Variants in ADGRB3 observed in about 807,000 individuals in gnomAD.
ADGRB3 encodes the protein adhesion G protein-coupled receptor B3.
In ADGRB3, 37 loss-of-function variants were observed where a neutral mutation model predicts 193.4. That is an observed-to-expected ratio of 0.19 (90% CI 0.15 to 0.25). The LOEUF is 0.25. Among genes scored for constraint, ADGRB3 ranks in the 10% least tolerant of loss-of-function variants. The probability of loss-of-function intolerance (pLI) is 1.00; values close to 1 mark genes in which losing one functional copy is unlikely to be tolerated. For synonymous variants in ADGRB3, 690 were observed against 644.2 expected, an observed-to-expected ratio of 1.07 and a Z score of -1.08; for missense variants, 1,637 against 1,852.9, an observed-to-expected ratio of 0.88 and a Z score of 2.14.
intron 5 of ADGRB3, among the ~76,000 whole-genome samples, chr6:68,943,263 G>A (rs561022460): frequency 4.6e-5 from 7 of 152,036 alleles, no homozygotes; most frequent in Non-Finnish European, 5.9e-5. Context: ...TTCAAAATAT[G>A]GTAACTTTAA....
chr6:69,382,792 T>G, intron 30 of ADGRB3, 39 bp from the exon 31 acceptor site: 1 of 1,401,490 alleles, frequency 7.1e-7, no homozygotes, highest in Non-Finnish European at 9.9e-7. Context: ...AAAACATACA[T>G]CAAGTTGGGG....
intron 13 of ADGRB3, among the ~76,000 whole-genome samples, chr6:69,031,333 C>T (rs1249388777): frequency 2.0e-5 from 3 of 150,178 alleles, no homozygotes; most frequent in Non-Finnish European, 3.0e-5. Context: ...CCCAGCTACT[C>T]GGGAGGCTGA....
chr6:69,043,764 C>T (rs1351386286), intron 13 of ADGRB3, among the ~76,000 whole-genome samples: 1 of 152,172 alleles, frequency 6.6e-6, no homozygotes, highest in Non-Finnish European at 1.5e-5. Context: ...GACATTGAGA[C>T]ACAGAGAGTT....
At chr6:68,938,199 A>T (rs1451847773) in intron 5 of ADGRB3, among the ~76,000 whole-genome samples, 1 of 152,086 alleles carries the variant, frequency 6.6e-6, no homozygotes, top group Admixed American at 6.6e-5. Context: ...CTAGAGCAAG[A>T]AAAAAGCATG....
At chr6:69,265,928 C>A (rs1332726741) in intron 20 of ADGRB3, among the ~76,000 whole-genome samples, 1 of 151,886 alleles carries the variant, frequency 6.6e-6, no homozygotes, top group Non-Finnish European at 1.5e-5. Flanking sequence ...TCATCCCATG[C>A]TCATTCTTTA....
chr6:68,920,537 A>AT (rs1767011380), intron 3 of ADGRB3, among the ~76,000 whole-genome samples: 1 of 126,506 alleles, frequency 7.9e-6, no homozygotes, highest in Non-Finnish European at 1.8e-5. Flanking sequence ...AAAAAAAAAA[A>AT]GTCCTAAAAA....
intron 3 of ADGRB3, among the ~76,000 whole-genome samples, chr6:68,836,763 A>T (rs971926172): frequency 6.6e-6 from 1 of 152,148 alleles, no homozygotes; most frequent in African/African-American, 2.4e-5. Context: ...GCTGAGGCAG[A>T]TGGTTTGCCT....
chr6:68,807,830 G>C (rs1767436378), intron 3 of ADGRB3, among the ~76,000 whole-genome samples: 1 of 151,984 alleles, frequency 6.6e-6, no homozygotes, highest in African/African-American at 2.4e-5. Context: ...TAGCTCAGTT[G>C]GTTAAATTTA....
At chr6:69,183,926 T>A (rs1268684273) in intron 17 of ADGRB3, among the ~76,000 whole-genome samples, 1 of 152,078 alleles carries the variant, frequency 6.6e-6, no homozygotes, top group Non-Finnish European at 1.5e-5. Context: ...GCATTATAAT[T>A]ATTATTATGG....
At chr6:68,724,111 A>C (rs1409485455) in intron 3 of ADGRB3, among the ~76,000 whole-genome samples, 1 of 151,208 alleles carries the variant, frequency 6.6e-6, no homozygotes, top group Admixed American at 6.6e-5. Context: ...AAAAAAAAAC[A>C]ACCTCAGTGG....
rs76512541 is a variant in ADGRB3, at chr6:68,870,859, C to T, written c.758-59700C>T. ...ATGCCTGGCAAATTTTACACTCAGT[C>T]TGATTGCTATGTTATTAAACCACTC... is the stretch of plus-strand genomic sequence containing the variant. On this transcript the variant is annotated intron_variant, in intron 3 of 31. Transcript: ENST00000370598. Among the ~76,000 whole-genome samples the T allele has an allele frequency of 2.0e-5, 3 of 152,294 alleles. No homozygotes were observed. In the East Asian group the frequency reaches 5.8e-4, roughly 29 times the overall value.
chr6:69,167,774 T>C (rs1204455920), intron 17 of ADGRB3, among the ~76,000 whole-genome samples: 1 of 152,088 alleles, frequency 6.6e-6, no homozygotes, highest in Non-Finnish European at 1.5e-5. Flanking sequence ...ACCACAGAAA[T>C]AGCTGGTTAG....
intron 3 of ADGRB3, among the ~76,000 whole-genome samples, chr6:68,775,702 C>T (rs1481881955): frequency 6.6e-6 from 1 of 152,054 alleles, no homozygotes; most frequent in East Asian, 1.9e-4. Context: ...TTTTACGTCT[C>T]CTTTTATCTG....
intron 17 of ADGRB3, among the ~76,000 whole-genome samples, chr6:69,161,164 AT>A (rs1381636765): frequency 6.6e-6 from 1 of 152,086 alleles, no homozygotes; most frequent in Non-Finnish European, 1.5e-5. Flanking sequence ...CTAATATGTA[AT>A]CTGCACAATT....
chr6:69,278,788 G>A (rs559953734), intron 20 of ADGRB3, among the ~76,000 whole-genome samples: 1 of 151,876 alleles, frequency 6.6e-6, no homozygotes, highest in East Asian at 1.9e-4. Context: ...TTTGTTTTCT[G>A]TAAATTGGGA....
intron 3 of ADGRB3, among the ~76,000 whole-genome samples, chr6:68,854,264 G>T (rs1166439189): frequency 6.6e-6 from 1 of 152,090 alleles, no homozygotes; most frequent in East Asian, 1.9e-4. Context: ...CTCATTGCAG[G>T]TTCAAGAGCT....
At chr6:68,769,626 G>A (rs1766576918) in intron 3 of ADGRB3, among the ~76,000 whole-genome samples, 1 of 151,988 alleles carries the variant, frequency 6.6e-6, no homozygotes, top group Non-Finnish European at 1.5e-5. Context: ...ACCATGCCAC[G>A]TGTATACCTA....
intron 11 of ADGRB3, among the ~76,000 whole-genome samples, chr6:68,996,189 T>C (rs1403058250): frequency 2.6e-5 from 4 of 151,972 alleles, no homozygotes; most frequent in Non-Finnish European, 5.9e-5. Flanking sequence ...CATCTTGACT[T>C]TTTCCTTTTC....
At chr6:69,271,582 T>C (rs1767179909) in intron 20 of ADGRB3, among the ~76,000 whole-genome samples, 1 of 152,096 alleles carries the variant, frequency 6.6e-6, no homozygotes, top group Non-Finnish European at 1.5e-5. Flanking sequence ...CTTAATTATG[T>C]AGCATGTTAT....
Sources: gnomAD v4.1 joint callset for allele counts (sites outside exome capture counted in the v4.1 genomes callset) on GRCh38, gnomAD v4.1.1 for gene constraint, MANE v1.5 for transcripts, NCBI Gene and HGNC (gene_info 2026-07-23, HGNC 2026-07-21) for gene names.